Variants in DPY19L2 observed in about 807,000 individuals in gnomAD.
DPY19L2 encodes the protein dpy-19 like 2.
In DPY19L2, 34 loss-of-function variants were observed where a neutral mutation model predicts 97.9. The ratio of observed to expected loss-of-function variants is 0.35; its 90% confidence interval spans 0.26 to 0.46. DPY19L2 has a LOEUF of 0.46. Among genes scored for constraint, DPY19L2 ranks in the 20% least tolerant of loss-of-function variants. The pLI is 1.00. For missense variants in DPY19L2, 623 were observed against 911.4 expected (o/e 0.68, Z 4.07); for synonymous variants, 230 against 307.9 (o/e 0.75, Z 2.65).
At chr12:63,601,997 C>T (rs1460438239) in intron 12 of DPY19L2, among the ~76,000 whole-genome samples, 1 of 151,994 alleles carries the variant, frequency 6.6e-6, no homozygotes, top group Non-Finnish European at 1.5e-5. Context: ...TTATAAATAT[C>T]CAAAGCTTCT....
intron 6 of DPY19L2, among the ~76,000 whole-genome samples, chr12:63,637,683 C>A (rs183877679): frequency 2.6e-5 from 4 of 151,970 alleles, no homozygotes; most frequent in Non-Finnish European, 5.9e-5. Flanking sequence ...CTGAATAGAC[C>A]AATAACAGGC....
chr12:63,664,296 C>T (rs1896059142), intron 2 of DPY19L2, among the ~76,000 whole-genome samples: 1 of 151,918 alleles, frequency 6.6e-6, no homozygotes, highest in African/African-American at 2.4e-5. Context: ...GAGATCATGC[C>T]ACTGCACTCC....
intron 4 of DPY19L2, among the ~76,000 whole-genome samples, chr12:63,659,013 A>C (rs1895332494): frequency 6.6e-6 from 1 of 152,124 alleles, no homozygotes; most frequent in African/African-American, 2.4e-5. Flanking sequence ...AAACTAATCA[A>C]ACTTTACACT....
chr12:63,604,682 C>G (rs1885748314), intron 12 of DPY19L2, among the ~76,000 whole-genome samples: 1 of 152,152 alleles, frequency 6.6e-6, no homozygotes, highest in South Asian at 2.1e-4. Context: ...TCTATAATCA[C>G]CAAGTTGTTC....
At chr12:63,652,513 G>GATGCCTAGACCT (rs1228877810) in intron 4 of DPY19L2, among the ~76,000 whole-genome samples, 1 of 152,126 alleles carries the variant, frequency 6.6e-6, no homozygotes, top group Non-Finnish European at 1.5e-5. Context: ...CAAAGACATG[G>GATGCCTAGACCT]AATCAACCTA....
chr12:63,570,660 TGTG>T (rs1218971354), intron 20 of DPY19L2, 95 bp downstream of exon 20: 130 of 944,238 alleles, frequency 1.4e-4, no homozygotes, highest in Non-Finnish European at 4.9e-6. Flanking sequence ...TGTGTGTGTG[TGTG>T]TGTGTGTGTG....
intron 11 of DPY19L2, among the ~76,000 whole-genome samples, chr12:63,616,912 T>C (rs1032421483): frequency 1.3e-5 from 2 of 152,072 alleles, no homozygotes; most frequent in African/African-American, 4.8e-5. Flanking sequence ...CAAGACATAC[T>C]AAAGAATGTG....
rs151329809 is a variant in DPY19L2, at chr12:63,638,652, C to T, written c.803+5751G>A. 4.3e-3 allele frequency among the ~76,000 whole-genome samples: 654 copies of T among 152,028 alleles called. 10 individuals carry two copies. The highest frequency in any genetic ancestry group is 0.015 in the African/African-American group (610 of 41,446). On this transcript the variant is annotated intron_variant, in intron 6 of 21. Transcript: ENST00000324472. ...CTAGGAATCCAACTCACAAGGGATGCGAAGGACCTCTTCAAGGAGAACCAC... is the reference window on the plus strand; with the variant it reads ...CTAGGAATCCAACTCACAAGGGATGTGAAGGACCTCTTCAAGGAGAACCAC...
intron 6 of DPY19L2, among the ~76,000 whole-genome samples, chr12:63,640,095 C>A (rs1235071514): frequency 3.9e-5 from 6 of 152,046 alleles, no homozygotes; most frequent in Middle Eastern, 3.4e-3. Flanking sequence ...GCAAACTGTC[C>A]CAAGGACAGA....
intron 6 of DPY19L2, among the ~76,000 whole-genome samples, chr12:63,631,022 G>A (rs1480842045): frequency 1.3e-5 from 2 of 151,980 alleles, no homozygotes; most frequent in African/African-American, 4.8e-5. Context: ...AAACCAACGA[G>A]AACAAAGACA....
chr12:63,668,092 G>GC lies in DPY19L2; in HGVS notation c.301dup (p.Ala101GlyfsTer29). On this transcript the variant is annotated frameshift_variant, in exon 1 of 22. Transcript: ENST00000324472. LOFTEE classifies it high-confidence loss of function. ...AGTGGTTCTGCTGGAGAACCGCCGC[G>GC]CCTGCAGTTCCTGCACCTTTTCCCG... The GC allele has an allele frequency of 1.2e-6, 2 of 1,613,990 alleles. No homozygotes were observed. Among genetic ancestry groups the GC allele is most frequent in the Non-Finnish European group, 1.7e-6 (2 of 1,179,966 alleles).
intron 4 of DPY19L2, among the ~76,000 whole-genome samples, chr12:63,649,202 G>A (rs1403253640): frequency 6.6e-6 from 1 of 152,126 alleles, no homozygotes; most frequent in African/African-American, 2.4e-5. Context: ...AAAATTTACA[G>A]AGCTAAATGC....
intron 19 of DPY19L2, among the ~76,000 whole-genome samples, chr12:63,572,028 AT>A (rs1878959863): frequency 6.8e-6 from 1 of 147,372 alleles, no homozygotes; most frequent in Non-Finnish European, 1.5e-5. Flanking sequence ...AAATGTGATA[AT>A]GATCTACACA....
At chr12:63,626,344 C>T in intron 7 of DPY19L2, 125 bp downstream of exon 7, 1 of 1,188,918 alleles carries the variant, frequency 8.4e-7, no homozygotes, top group Non-Finnish European at 1.1e-6. Flanking sequence ...ACTTATTACA[C>T]AAGGGTCTTT....
At chr12:63,577,969 T>G (rs546343922) in intron 19 of DPY19L2, among the ~76,000 whole-genome samples, 18 of 152,170 alleles carry the variant, frequency 1.2e-4, no homozygotes, top group Admixed American at 1.1e-3. Context: ...AGGAAATAAA[T>G]ATTTAGAAGA....
intron 11 of DPY19L2, among the ~76,000 whole-genome samples, chr12:63,611,415 C>A (rs4105523): frequency 0.71 from 107,085 of 150,672 alleles, 38,989 homozygotes; most frequent in African/African-American, 0.87. Context: ...ATTGCCAAGC[C>A]TGCAAACACT....
upstream of DPY19L2, chr12:63,668,690 C>G (rs1356367080): frequency 2.6e-6 from 1 of 386,432 alleles, no homozygotes; most frequent in Middle Eastern, 7.0e-4. Context: ...GCACAGCCCC[C>G]CACACCCTCC....
At chr12:63,632,567 G>A (rs1453943683) in intron 6 of DPY19L2, among the ~76,000 whole-genome samples, 1 of 152,066 alleles carries the variant, frequency 6.6e-6, no homozygotes, top group East Asian at 1.9e-4. Context: ...AATAAAATAG[G>A]ATACAAACAA....
intron 12 of DPY19L2, among the ~76,000 whole-genome samples, chr12:63,605,007 A>G (rs1351745964): frequency 6.6e-6 from 1 of 152,148 alleles, no homozygotes; most frequent in Non-Finnish European, 1.5e-5. Flanking sequence ...TAGGTTTATC[A>G]CGCAAGTCCT....
Sources: allele counts gnomAD v4.1 joint callset (sites outside exome capture counted in the v4.1 genomes callset), GRCh38; gene constraint gnomAD v4.1.1; transcripts MANE v1.5; gene names NCBI Gene and HGNC (gene_info 2026-07-23, HGNC 2026-07-21).